Variants in MTMR7 observed in about 807,000 individuals in gnomAD.
MTMR7 encodes the protein myotubularin related protein 7.
MTMR7 carries 76 observed loss-of-function variants against 81.2 expected under a neutral mutation model. The ratio of observed to expected loss-of-function variants is 0.94; its 90% CI spans 0.78 to 1.13. MTMR7 has a LOEUF of 1.13. Ranked by LOEUF, MTMR7 falls within the 50% of genes most tolerant of loss-of-function variation. MTMR7 has a pLI of 0.00. For missense variants in MTMR7, 1,044 were observed against 820.0 expected, an observed-to-expected ratio of 1.27 and a Z score of -3.34; for synonymous variants, 372 against 289.8, an observed-to-expected ratio of 1.28 and a Z score of -2.88.
intron 3 of MTMR7, among the ~76,000 whole-genome samples, chr8:17,368,161 G>A (rs182125416): frequency 3.3e-5 from 5 of 152,072 alleles, no homozygotes; most frequent in East Asian, 3.9e-4. Context: ...TAGATCCCTC[G>A]CATGTACGGT....
chr8:17,347,301 C>G (rs368309197), intron 5 of MTMR7, among the ~76,000 whole-genome samples: 57 of 152,076 alleles, frequency 3.7e-4, no homozygotes, highest in African/African-American at 1.3e-3. Flanking sequence ...GACCCTAATT[C>G]AAGGCTAGGA....
In MTMR7 at chr8:17,324,160, C is replaced by A. The variant is rs538974461; in HGVS notation, c.865+6990G>T. 6.9e-4 allele frequency among the ~76,000 whole-genome samples: 105 copies of A among 152,300 alleles called. 1 individual carries two copies. Among genetic ancestry groups the A allele is most frequent in the African/African-American group, 2.4e-3 (101 of 41,570 alleles). On this transcript the variant is annotated intron_variant, in intron 7 of 13. Coordinates refer to ENST00000180173, the MANE Select transcript of MTMR7 (RefSeq NM_004686.5). ...AGATCTTTCCTTCCTGCCATGATTT[C>A]TGCTCTAGGTCAAAATTGGTTACTT...
At chr8:17,354,399 G>T (rs1384641510) in intron 4 of MTMR7, among the ~76,000 whole-genome samples, 1 of 152,016 alleles carries the variant, frequency 6.6e-6, no homozygotes, top group Non-Finnish European at 1.5e-5. Flanking sequence ...ACCTAGCAAT[G>T]AATACAAATT....
chr8:17,366,997 T>G lies in MTMR7; in HGVS notation c.310+4040A>C, dbSNP rs528345158. Among the ~76,000 whole-genome samples, 3 of 132,772 alleles carry G rather than the reference T, an allele frequency of 2.3e-5. No homozygotes were observed. In the South Asian group the frequency reaches 6.3e-4, roughly 28 times the overall value. The allele number at this position is 132,772 out of a possible 152,430, so 87.1% of individuals were successfully genotyped here. A position where few individuals can be genotyped will look rare whatever the true frequency, so the allele number is the denominator to read the frequency against. On this transcript the variant is annotated intron_variant, in intron 3 of 13. Transcript: ENST00000180173. ...AAAAATGAGGGTGCCTCACCTTATC[T>G]GTCTTGTTTTAAGCAAACAAGTGTT...
At chr8:17,334,045 C>T (rs1427303886) in intron 6 of MTMR7, among the ~76,000 whole-genome samples, 1 of 152,120 alleles carries the variant, frequency 6.6e-6, no homozygotes, top group African/African-American at 2.4e-5. Flanking sequence ...AGCTGATTAT[C>T]CTTGATCTGG....
chr8:17,332,295 T>C (rs1391021788), intron 6 of MTMR7, among the ~76,000 whole-genome samples: 1 of 152,218 alleles, frequency 6.6e-6, no homozygotes, highest in African/African-American at 2.4e-5. Context: ...AAGTTTAAAG[T>C]TAAAGACACA....
At chr8:17,304,951 T>G (rs1240696073) in intron 11 of MTMR7, among the ~76,000 whole-genome samples, 1 of 152,146 alleles carries the variant, frequency 6.6e-6, no homozygotes, top group Non-Finnish European at 1.5e-5. Flanking sequence ...TTTCCCAAAG[T>G]CCTATAGCTA....
chr8:17,387,948 C>T (rs1371118488), intron 1 of MTMR7, among the ~76,000 whole-genome samples: 1 of 151,960 alleles, frequency 6.6e-6, no homozygotes, highest in African/African-American at 2.4e-5. Flanking sequence ...ATTTGACTGA[C>T]GTTTAAGGAA....
Position 17,413,301 on chromosome 8 carries a change from C to T in MTMR7, c.-9G>A. 6.5e-7 allele frequency: 1 copy of T among 1,545,278 alleles called. No homozygotes were observed. Among genetic ancestry groups the T allele is most frequent in the Non-Finnish European group, 8.7e-7 (1 of 1,143,728 alleles). On this transcript the variant is annotated 5_prime_UTR_variant, in exon 1 of 14. Coordinates refer to ENST00000180173, the MANE Select transcript of MTMR7 (RefSeq NM_004686.5). ...GTACGGATGTGCTCCATGGCTGGCC[C>T]ACGTCTGCAGGGTCCCGGGCGGGCG...
chr8:17,302,585 T>G (rs921842709), intron 12 of MTMR7, among the ~76,000 whole-genome samples: 3 of 152,006 alleles, frequency 2.0e-5, no homozygotes, highest in African/African-American at 7.3e-5. Flanking sequence ...AAATGGCTCT[T>G]AGTTTTGAAC....
intron 10 of MTMR7, 42 bp downstream of exon 10, chr8:17,309,235 C>G (rs1482537091): frequency 7.8e-7 from 1 of 1,283,832 alleles, no homozygotes; most frequent in East Asian, 2.3e-5. Context: ...AGAAACAGTG[C>G]TTTTATTCTA....
intron 1 of MTMR7, among the ~76,000 whole-genome samples, chr8:17,388,715 G>A (rs974899534): frequency 6.9e-6 from 1 of 144,576 alleles, no homozygotes; most frequent in African/African-American, 2.4e-5. Context: ...ACTAACCAAA[G>A]GGAGGAGAAA....
chr8:17,309,000 G>A (rs1048016212), intron 10 of MTMR7, among the ~76,000 whole-genome samples: 1 of 152,234 alleles, frequency 6.6e-6, no homozygotes, highest in Non-Finnish European at 1.5e-5. Flanking sequence ...CAAATGGCAG[G>A]AGGAAGGGAA....
At chr8:17,331,491 G>T (rs1029269890) in intron 6 of MTMR7, among the ~76,000 whole-genome samples, 1 of 152,242 alleles carries the variant, frequency 6.6e-6, no homozygotes, top group Non-Finnish European at 1.5e-5. Flanking sequence ...GAATTTGTCA[G>T]TGTGGGTCAC....
chr8:17,325,341 A>C (rs2239867), intron 7 of MTMR7, among the ~76,000 whole-genome samples: 19,555 of 152,132 alleles, frequency 0.13, 1,674 homozygotes, highest in East Asian at 0.32. Flanking sequence ...TCCACACCGA[A>C]TGAAGATTTC....
In MTMR7 at chr8:17,302,147, G is replaced by T. The variant is rs765467089; in HGVS notation, c.1620+7C>A. On this transcript the variant is annotated splice_region_variant and intron_variant, in intron 13 of 13. Transcript: ENST00000180173. ...GAAAATAGATTAACAAAGCAAGTAT[G>T]TCTTACTTCTTCCAGGGCCTCTAGT... 10 of 1,613,896 alleles carry T rather than the reference G, an allele frequency of 6.2e-6. No homozygotes were observed.
chr8:17,378,923 G>A (rs1376755671), intron 1 of MTMR7, among the ~76,000 whole-genome samples: 1 of 152,032 alleles, frequency 6.6e-6, no homozygotes, highest in Admixed American at 6.6e-5. Context: ...TGAAGCCATG[G>A]GACTAAAAAA....
At chr8:17,324,393 A>G (rs1210995547) in intron 7 of MTMR7, among the ~76,000 whole-genome samples, 2 of 152,218 alleles carry the variant, frequency 1.3e-5, no homozygotes, top group African/African-American at 4.8e-5. Context: ...GATTGGAAAC[A>G]GTGGCTTCAA....
At chr8:17,392,815 G>C (rs1308968278) in intron 1 of MTMR7, among the ~76,000 whole-genome samples, 1 of 152,198 alleles carries the variant, frequency 6.6e-6, no homozygotes, top group African/African-American at 2.4e-5. Context: ...CAAATGAAAT[G>C]TTTGGATTTA....
Sources: gnomAD v4.1 joint callset for allele counts (sites outside exome capture counted in the v4.1 genomes callset) on GRCh38, gnomAD v4.1.1 for gene constraint, MANE v1.5 for transcripts, NCBI Gene and HGNC (gene_info 2026-07-23, HGNC 2026-07-21) for gene names.